Variants in ASIC2 observed in about 807,000 individuals in gnomAD.
ASIC2 encodes the protein acid-sensing ion channel 2.
In ASIC2, 25 loss-of-function variants were observed where a neutral mutation model predicts 57.3. The observed-to-expected ratio is 0.44, with a 90% CI of 0.32 to 0.61. The LOEUF is 0.61. Ranked by LOEUF, ASIC2 falls within the 20% of genes least tolerant of loss-of-function variation. The probability of loss-of-function intolerance (pLI) is 0.06; values close to 1 mark genes in which losing one functional copy is unlikely to be tolerated. For synonymous variants in ASIC2, 319 were observed against 307.5 expected, an observed-to-expected ratio of 1.04 and a Z score of -0.39; for missense variants, 641 against 738.1, an observed-to-expected ratio of 0.87 and a Z score of 1.52.
chr17:33,282,405 G>A (rs1419758875), intron 1 of ASIC2, among the ~76,000 whole-genome samples: 1 of 151,850 alleles, frequency 6.6e-6, no homozygotes, highest in African/African-American at 2.4e-5. Flanking sequence ...CATCTTCAAA[G>A]CCATCAATGT....
intron 1 of ASIC2, among the ~76,000 whole-genome samples, chr17:33,558,781 G>T (rs1915984942): frequency 6.6e-6 from 1 of 152,082 alleles, no homozygotes; most frequent in Non-Finnish European, 1.5e-5. Flanking sequence ...CCCTGCCTGA[G>T]GACATGATCC....
In ASIC2 at chr17:33,700,735, T is replaced by C. The variant is rs548619198; in HGVS notation, c.555+455243A>G. ...AAGGGAAAACAAATCTGAAATTCAA[T>C]CCATGCGTTGATCACTAGTTCCCTT... is the stretch of plus-strand genomic sequence containing the variant. On this transcript the variant is annotated intron_variant, in intron 1 of 9. Transcript: ENST00000359872. Among the ~76,000 whole-genome samples, 29 of 152,302 alleles carry C rather than the reference T, an allele frequency of 1.9e-4. No homozygotes were observed. The South Asian group carries it at 6.0e-3, about 32-fold the overall frequency.
chr17:33,580,884 C>A (rs1904412765), intron 1 of ASIC2, among the ~76,000 whole-genome samples: 1 of 152,184 alleles, frequency 6.6e-6, no homozygotes, highest in South Asian at 2.1e-4. Context: ...ATAGGGGCAC[C>A]TACCCAGGGT....
intron 1 of ASIC2, among the ~76,000 whole-genome samples, chr17:34,068,142 G>A (rs1263843624): frequency 6.6e-6 from 1 of 152,192 alleles, no homozygotes; most frequent in Admixed American, 6.5e-5. Context: ...AAATCGGGTA[G>A]GTGTGGAGGA....
rs868388896 is a variant in ASIC2 at position 34,087,874 on chromosome 17, T to C, written c.555+68104A>G. On this transcript the variant is annotated intron_variant, in intron 1 of 9. Coordinates refer to the ASIC2 transcript ENST00000359872. Reference sequence around the variant, plus strand: ...GCATTCTTCACATAGTTCTCGAGCCTTGGCTTTCAGCTCCATCAGCTCCTT... The same window carrying C: ...GCATTCTTCACATAGTTCTCGAGCCCTGGCTTTCAGCTCCATCAGCTCCTT... 4.6e-5 allele frequency among the ~76,000 whole-genome samples: 7 copies of C among 152,376 alleles called. No individual in the cohort carries two copies. The Middle Eastern group carries it at 0.017, about 370-fold the overall frequency.
chr17:33,233,211 T>G (rs1004047146), intron 1 of ASIC2, among the ~76,000 whole-genome samples: 2 of 150,722 alleles, frequency 1.3e-5, no homozygotes, highest in African/African-American at 4.9e-5. Flanking sequence ...ACAGCTACAC[T>G]AGATGATTCC....
intron 1 of ASIC2, among the ~76,000 whole-genome samples, chr17:33,467,069 G>A (rs537318956): frequency 6.6e-6 from 1 of 152,120 alleles, no homozygotes; most frequent in Non-Finnish European, 1.5e-5. Context: ...CCTACAGAAT[G>A]GGAGAAAATT....
chr17:33,765,839 C>T (rs1254274595), intron 1 of ASIC2, among the ~76,000 whole-genome samples: 3 of 152,186 alleles, frequency 2.0e-5, no homozygotes, highest in Non-Finnish European at 2.9e-5. Context: ...AGGTCTTTGG[C>T]GTCCCTTCCC....
intron 1 of ASIC2, among the ~76,000 whole-genome samples, chr17:34,067,609 T>C (rs1174113168): frequency 6.6e-6 from 1 of 152,216 alleles, no homozygotes; most frequent in African/African-American, 2.4e-5. Context: ...ACTGGATACC[T>C]GTACAAAATG....
At chr17:33,552,880 C>T (rs1193743702) in intron 1 of ASIC2, among the ~76,000 whole-genome samples, 1 of 152,192 alleles carries the variant, frequency 6.6e-6, no homozygotes. Context: ...AATGTTTCCC[C>T]AGGGAAGTGC....
At chr17:33,137,995 G>A (rs2092372759) in intron 1 of ASIC2, among the ~76,000 whole-genome samples, 2 of 152,154 alleles carry the variant, frequency 1.3e-5, no homozygotes. Flanking sequence ...GATTTCCGGT[G>A]ACCTTTAAAA....
At chr17:33,656,804 T>C (rs1237020182) in intron 1 of ASIC2, among the ~76,000 whole-genome samples, 2 of 152,196 alleles carry the variant, frequency 1.3e-5, no homozygotes, top group African/African-American at 4.8e-5. Context: ...TTATTTTCCA[T>C]GGGGCCAAAA....
At chr17:33,254,917 G>A (rs140627332) in intron 1 of ASIC2, among the ~76,000 whole-genome samples, 22 of 151,862 alleles carry the variant, frequency 1.4e-4, no homozygotes, top group Non-Finnish European at 3.2e-4. Flanking sequence ...GGTTACCACT[G>A]GTTGGGGAGT....
At chr17:33,708,475 CA>C (rs1367000856) in intron 1 of ASIC2, among the ~76,000 whole-genome samples, 2 of 152,112 alleles carry the variant, frequency 1.3e-5, no homozygotes, top group Non-Finnish European at 2.9e-5. Flanking sequence ...TGGAGCAGAA[CA>C]GGATAAAACA....
At chr17:33,643,233 CT>C (rs1211605042) in intron 1 of ASIC2, among the ~76,000 whole-genome samples, 1 of 150,274 alleles carries the variant, frequency 6.7e-6, no homozygotes, top group African/African-American at 2.4e-5. Context: ...GCATTTTTTT[CT>C]TTCTGGGTGA....
At chr17:33,840,011 A>G (rs548207527) in intron 1 of ASIC2, among the ~76,000 whole-genome samples, 1 of 152,188 alleles carries the variant, frequency 6.6e-6, no homozygotes, top group Non-Finnish European at 1.5e-5. Flanking sequence ...TATCTGGGTT[A>G]TATCAGTGAG....
At chr17:33,655,379 G>A (rs1462043713) in intron 1 of ASIC2, among the ~76,000 whole-genome samples, 1 of 152,198 alleles carries the variant, frequency 6.6e-6, no homozygotes, top group African/African-American at 2.4e-5. Context: ...CCAGAAGTCT[G>A]TCTGGGCTAT....
At chr17:33,734,095 C>T (rs1909832955) in intron 1 of ASIC2, among the ~76,000 whole-genome samples, 1 of 152,150 alleles carries the variant, frequency 6.6e-6, no homozygotes, top group Admixed American at 6.5e-5. Flanking sequence ...AATATGTCAT[C>T]TCCCCCCTAC....
At chr17:33,569,323 A>C (rs1916353536) in intron 1 of ASIC2, 1 of 152,030 alleles carries the variant, frequency 6.6e-6, no homozygotes, top group African/African-American at 2.4e-5. Flanking sequence ...TGCTGTTGTG[A>C]TCTGTTCCCA....
Sources: gnomAD v4.1 joint callset for allele counts (sites outside exome capture counted in the v4.1 genomes callset) on GRCh38, gnomAD v4.1.1 for gene constraint, MANE v1.5 for transcripts, NCBI Gene and HGNC (gene_info 2026-07-23, HGNC 2026-07-21) for gene names.